THRB: variants seen among roughly 807,000 people sequenced by gnomAD.
THRB encodes thyroid hormone receptor beta.
A neutral mutation model predicts 47.8 loss-of-function variants in THRB; 12 were observed. That is an observed-to-expected ratio of 0.25 (90% confidence interval 0.16 to 0.41). THRB has a LOEUF of 0.41. Among genes scored for constraint, THRB ranks in the 10% least tolerant of loss-of-function variants. The pLI, the probability that THRB is intolerant of heterozygous loss-of-function variation, is 1.00. For missense variants in THRB, 348 were observed against 589.2 expected, an observed-to-expected ratio of 0.59 and a Z score of 4.24; for synonymous variants, 218 against 212.2, an observed-to-expected ratio of 1.03 and a Z score of -0.24.
At chr3:24,339,502 C>T (rs1002288998) in intron 1 of THRB, among the ~76,000 whole-genome samples, 5 of 152,130 alleles carry the variant, frequency 3.3e-5, no homozygotes, top group Non-Finnish European at 7.4e-5. Flanking sequence ...GGGCCTTGTT[C>T]TAAATGATTG....
intron 4 of THRB, among the ~76,000 whole-genome samples, chr3:24,224,220 T>A (rs1234621172): frequency 1.3e-5 from 2 of 152,156 alleles, no homozygotes; most frequent in Non-Finnish European, 1.5e-5. Context: ...TACAAGGCAG[T>A]TCATTATATA....
At chr3:24,271,547 C>G (rs1395648100) in intron 3 of THRB, among the ~76,000 whole-genome samples, 1 of 152,036 alleles carries the variant, frequency 6.6e-6, no homozygotes, top group Non-Finnish European at 1.5e-5. Context: ...CAGAGTATTT[C>G]TATTATTATT....
chr3:24,311,277 G>T (rs1354499581), intron 2 of THRB, among the ~76,000 whole-genome samples: 3 of 152,158 alleles, frequency 2.0e-5, no homozygotes, highest in Non-Finnish European at 4.4e-5. Context: ...GAGTTGGAAA[G>T]GCTTTGCAGT....
chr3:24,399,670 TAC>T (rs2150066090), intron 1 of THRB, among the ~76,000 whole-genome samples: 1 of 152,214 alleles, frequency 6.6e-6, no homozygotes, highest in East Asian at 1.9e-4. Flanking sequence ...TTTACATATT[TAC>T]AGACTCTTCT....
At chr3:24,166,574 G>C (rs918432414) in intron 5 of THRB, among the ~76,000 whole-genome samples, 1 of 152,108 alleles carries the variant, frequency 6.6e-6, no homozygotes, top group Admixed American at 6.6e-5. Context: ...ATTACTAATG[G>C]TATTTTCTCC....
At chr3:24,442,588 G>T (rs1400236253) in intron 1 of THRB, among the ~76,000 whole-genome samples, 2 of 152,206 alleles carry the variant, frequency 1.3e-5, no homozygotes, top group African/African-American at 2.4e-5. Context: ...ACTTTGGGAG[G>T]CCAAGGCGGG....
chr3:24,471,735 C>T (rs780629660), intron 1 of THRB, among the ~76,000 whole-genome samples: 22 of 152,158 alleles, frequency 1.4e-4, no homozygotes, highest in Non-Finnish European at 2.8e-4. Context: ...TCCACAAAAA[C>T]ATCTCATGCA....
intron 4 of THRB, among the ~76,000 whole-genome samples, chr3:24,202,292 G>C (rs1042279636): frequency 6.6e-6 from 1 of 151,976 alleles, no homozygotes; most frequent in African/African-American, 2.4e-5. Context: ...ATACGTTTTT[G>C]GTATACAACA....
At chr3:24,279,882 T>G (rs1291107401) in intron 3 of THRB, among the ~76,000 whole-genome samples, 1 of 152,180 alleles carries the variant, frequency 6.6e-6, no homozygotes, top group Non-Finnish European at 1.5e-5. Context: ...TGGACCATGG[T>G]CCCCAAAGGT....
chr3:24,261,207 A>G (rs2051942721), intron 3 of THRB, among the ~76,000 whole-genome samples: 1 of 151,988 alleles, frequency 6.6e-6, no homozygotes, highest in Non-Finnish European at 1.5e-5. Context: ...TGAATCTTCA[A>G]AAATACATCT....
At chr3:24,170,312 C>T (rs1395487096) in intron 5 of THRB, among the ~76,000 whole-genome samples, 4 of 152,178 alleles carry the variant, frequency 2.6e-5, no homozygotes, top group Non-Finnish European at 4.4e-5. Context: ...TCCTTCTCTC[C>T]GCTGCCATCT....
chr3:24,291,149 TCA>T (rs1172738893), intron 3 of THRB, among the ~76,000 whole-genome samples: 2 of 152,210 alleles, frequency 1.3e-5, no homozygotes, highest in Non-Finnish European at 2.9e-5. Flanking sequence ...AGCCTTCCTC[TCA>T]CAATAGGAGA....
intron 1 of THRB, among the ~76,000 whole-genome samples, chr3:24,353,345 C>T (rs747633168): frequency 6.6e-6 from 1 of 152,048 alleles, no homozygotes; most frequent in Non-Finnish European, 1.5e-5. Flanking sequence ...AGTTCTACAG[C>T]AACTCATGTC....
At chr3:24,139,144 G>GGCA (rs1442662511) in intron 8 of THRB, among the ~76,000 whole-genome samples, 6 of 152,138 alleles carry the variant, frequency 3.9e-5, no homozygotes, top group African/African-American at 1.4e-4. Context: ...GGTGAAATTA[G>GGCA]GCATTTCTGT....
intron 1 of THRB, among the ~76,000 whole-genome samples, chr3:24,406,340 A>G (rs1044951911): frequency 6.6e-6 from 1 of 151,834 alleles, no homozygotes; most frequent in Non-Finnish European, 1.5e-5. Flanking sequence ...AAGAGTTTTT[A>G]TCAGCAATTA....
chr3:24,134,854 T>G, intron 8 of THRB, among the ~76,000 whole-genome samples: 1 of 150,542 alleles, frequency 6.6e-6, no homozygotes, highest in African/African-American at 2.5e-5. Flanking sequence ...GAGATGGGGG[T>G]AGGAAAGGGG....
intron 3 of THRB, among the ~76,000 whole-genome samples, chr3:24,276,641 G>C (rs1317654615): frequency 6.6e-6 from 1 of 152,326 alleles, no homozygotes. Flanking sequence ...ACCACAATGT[G>C]CAAGGCAGGG....
At chr3:24,360,086 TC>T (rs1161225269) in intron 1 of THRB, among the ~76,000 whole-genome samples, 1 of 152,158 alleles carries the variant, frequency 6.6e-6, no homozygotes, top group African/African-American at 2.4e-5. Context: ...GCTCCAGTAA[TC>T]CCCTTCATGC....
chr3:24,259,620 CTTTTT>C (rs10671187), intron 3 of THRB, among the ~76,000 whole-genome samples: 1 of 98,256 alleles, frequency 1.0e-5, no homozygotes, highest in African/African-American at 3.9e-5. Context: ...CTCTGCTTAC[CTTTTT>C]TTTTTTTTTT....
Sources: gnomAD v4.1 joint callset for allele counts (sites outside exome capture counted in the v4.1 genomes callset) on GRCh38, gnomAD v4.1.1 for gene constraint, MANE v1.5 for transcripts, NCBI Gene and HGNC (gene_info 2026-07-23, HGNC 2026-07-21) for gene names.